RBFOX1: variants seen among roughly 807,000 people sequenced by gnomAD.
RBFOX1 encodes the protein RNA binding protein fox-1 homolog 1.
In RBFOX1, 8 loss-of-function variants were observed where a neutral mutation model predicts 57.7. The observed-to-expected ratio is 0.14, with a 90% CI of 0.08 to 0.25. The LOEUF is 0.25. Ranked by LOEUF, RBFOX1 falls within the 10% of genes least tolerant of loss-of-function variation. The pLI, the probability that RBFOX1 is intolerant of heterozygous loss-of-function variation, is 1.00. For synonymous variants in RBFOX1, 326 were observed against 222.4 expected (o/e 1.47, Z -4.15); for missense variants, 611 against 548.5 (o/e 1.11, Z -1.14).
intron 14 of RBFOX1, among the ~76,000 whole-genome samples, chr16:7,701,288 C>G (rs2080618620): frequency 6.6e-6 from 1 of 151,962 alleles, no homozygotes; most frequent in South Asian, 2.1e-4. Context: ...CAACTGGACA[C>G]ACAGCAGGTG....
chr16:7,080,769 A>G (rs2059068112), intron 4 of RBFOX1, among the ~76,000 whole-genome samples: 1 of 152,172 alleles, frequency 6.6e-6, no homozygotes, highest in African/African-American at 2.4e-5. Context: ...CTTGCAAGGT[A>G]TCATCATCAT....
intron 4 of RBFOX1, among the ~76,000 whole-genome samples, chr16:7,335,015 AAC>A (rs1218366673): frequency 6.6e-6 from 1 of 152,200 alleles, no homozygotes; most frequent in Non-Finnish European, 1.5e-5. Flanking sequence ...CTGGAAAGCT[AAC>A]ACACAGAGAG....
chr16:5,854,981 T>C (rs909570374), intron 3 of RBFOX1, among the ~76,000 whole-genome samples: 39 of 152,242 alleles, frequency 2.6e-4, no homozygotes, highest in African/African-American at 3.6e-4. Context: ...ATTAGTCATA[T>C]TGAGCACCTT....
chr16:6,775,098 G>T (rs1255604127), intron 3 of RBFOX1, among the ~76,000 whole-genome samples: 1 of 151,588 alleles, frequency 6.6e-6, no homozygotes, highest in Non-Finnish European at 1.5e-5. Context: ...GGCCAGGTCT[G>T]GCGGATCACG....
intron 3 of RBFOX1, among the ~76,000 whole-genome samples, chr16:6,954,250 TAATA>T (rs988733887): frequency 2.8e-5 from 3 of 106,188 alleles, no homozygotes; most frequent in Non-Finnish European, 4.5e-5. Context: ...AGGTGCTATG[TAATA>T]AATCAGGGTA....
At chr16:5,706,846 C>CT (rs542045892) in intron 3 of RBFOX1, among the ~76,000 whole-genome samples, 20 of 150,334 alleles carry the variant, frequency 1.3e-4, no homozygotes, top group Admixed American at 9.3e-4. Flanking sequence ...GAGGGCATGG[C>CT]TTTTTTTTTG....
chr16:5,896,783 C>G (rs1463116832), intron 4 of RBFOX1, among the ~76,000 whole-genome samples: 2 of 152,062 alleles, frequency 1.3e-5, no homozygotes, highest in Non-Finnish European at 2.9e-5. Flanking sequence ...TCAGCCAACA[C>G]TTTAGTATGT....
intron 4 of RBFOX1, among the ~76,000 whole-genome samples, chr16:5,869,290 T>A (rs1421358263): frequency 1.3e-5 from 2 of 152,192 alleles, no homozygotes; most frequent in Non-Finnish European, 2.9e-5. Context: ...CCTATGATCT[T>A]CCATCTTTCT....
At chr16:5,799,132 A>G (rs1417540652) in intron 3 of RBFOX1, among the ~76,000 whole-genome samples, 1 of 152,150 alleles carries the variant, frequency 6.6e-6, no homozygotes, top group African/African-American at 2.4e-5. Context: ...TGAAAGGCAC[A>G]TCTTACATGG....
At chr16:6,434,564 C>T (rs907358919) in intron 2 of RBFOX1, among the ~76,000 whole-genome samples, 1 of 152,150 alleles carries the variant, frequency 6.6e-6, no homozygotes, top group Admixed American at 6.6e-5. Flanking sequence ...ACATAGGAAG[C>T]AACTTCTAAA....
intron 4 of RBFOX1, among the ~76,000 whole-genome samples, chr16:7,080,437 A>G (rs1202738272): frequency 6.6e-6 from 1 of 152,176 alleles, no homozygotes; most frequent in African/African-American, 2.4e-5. Context: ...GTGCCAAAGT[A>G]ATGACTGTTT....
chr16:6,104,180 A>G (rs1363738576), intron 1 of RBFOX1, among the ~76,000 whole-genome samples: 2 of 151,958 alleles, frequency 1.3e-5, no homozygotes, highest in African/African-American at 2.4e-5. Context: ...TAATTGACAG[A>G]CAATAATTGT....
rs141076716 is a variant in RBFOX1 at position 7,056,942 on chromosome 16, C to G, written c.27+4844C>G. Among the ~76,000 whole-genome samples, 82 of 151,692 alleles carry G rather than the reference C, an allele frequency of 5.4e-4. 1 individual carries two copies. The highest frequency in any genetic ancestry group is 2.0e-3 in the African/African-American group (81 of 41,308). On this transcript the variant is annotated intron_variant, in intron 4 of 15. Transcript: ENST00000550418. Reference sequence around the variant, plus strand: ...CCCACTTCTAAATGCTCCTTAGTGTCTCAAAGCTTTACTTTACCTATACGT... The same window carrying G: ...CCCACTTCTAAATGCTCCTTAGTGTGTCAAAGCTTTACTTTACCTATACGT...
chr16:7,620,960 C>G (rs1426653265), intron 10 of RBFOX1, among the ~76,000 whole-genome samples: 1 of 152,058 alleles, frequency 6.6e-6, no homozygotes, highest in Non-Finnish European at 1.5e-5. Context: ...ACATGAGGTT[C>G]CTATGTAATC....
chr16:5,800,258 C>A (rs749353228), intron 3 of RBFOX1, among the ~76,000 whole-genome samples: 3 of 152,098 alleles, frequency 2.0e-5, no homozygotes, highest in Non-Finnish European at 2.9e-5. Context: ...TGGTGTGTAG[C>A]CTAATTTTGG....
At chr16:6,131,407 G>GA (rs35475118) in intron 1 of RBFOX1, among the ~76,000 whole-genome samples, 2,661 of 152,230 alleles carry the variant, frequency 0.017, 77 homozygotes, top group African/African-American at 0.061. Flanking sequence ...GACTATGGCA[G>GA]AAAAAACCTA....
chr16:6,840,806 G>A (rs947430451), intron 3 of RBFOX1, among the ~76,000 whole-genome samples: 1 of 150,930 alleles, frequency 6.6e-6, no homozygotes, highest in Non-Finnish European at 1.5e-5. Context: ...AGAATTGCTT[G>A]ATCCTGGGAG....
At chr16:6,969,060 A>T (rs1032401423) in intron 3 of RBFOX1, among the ~76,000 whole-genome samples, 6 of 152,108 alleles carry the variant, frequency 3.9e-5, no homozygotes, top group African/African-American at 1.4e-4. Flanking sequence ...TTCCCATCCG[A>T]GAGGTGTCAA....
intron 2 of RBFOX1, among the ~76,000 whole-genome samples, chr16:5,587,600 C>G (rs2046874720): frequency 6.6e-6 from 1 of 152,170 alleles, no homozygotes; most frequent in African/African-American, 2.4e-5. Context: ...GTAATCCCAG[C>G]TAATCTGGAG....
Sources: allele counts gnomAD v4.1 joint callset (sites outside exome capture counted in the v4.1 genomes callset), GRCh38; gene constraint gnomAD v4.1.1; transcripts MANE v1.5; gene names NCBI Gene and HGNC (gene_info 2026-07-23, HGNC 2026-07-21).